BSPH1: variants seen among roughly 807,000 people sequenced by gnomAD.
BSPH1 encodes binder of sperm 1.
In BSPH1, 21 loss-of-function variants were observed where a neutral mutation model predicts 22.5. That is an observed-to-expected ratio of 0.93 (90% confidence interval 0.66 to 1.35). The LOEUF (loss-of-function observed/expected upper bound fraction) is 1.35, where lower values mean the gene tolerates loss of function less well. BSPH1 is among the 40% of genes most tolerant of loss of function. The pLI is 0.00. For synonymous variants in BSPH1, 42 were observed against 53.6 expected (o/e 0.78, Z 0.95); for missense variants, 141 against 154.2 (o/e 0.91, Z 0.45).
intron 5 of BSPH1, among the ~76,000 whole-genome samples, chr19:47,968,772 G>A (rs1011432748): frequency 2.0e-5 from 3 of 151,606 alleles, no homozygotes; most frequent in African/African-American, 7.3e-5. Flanking sequence ...GCTGAGGTGG[G>A]CGGATTGTCT....
chr19:47,977,811 C>A, intron 3 of BSPH1: 1 of 317,640 alleles, frequency 3.1e-6, no homozygotes, highest in Non-Finnish European at 4.5e-6. Flanking sequence ...TTTATCTACC[C>A]AACAATTCTT....
intron 1 of BSPH1, among the ~76,000 whole-genome samples, chr19:47,991,626 C>A (rs111067347): frequency 0.15 from 9,555 of 64,744 alleles, 498 homozygotes; most frequent in Non-Finnish European, 0.17. Flanking sequence ...CCTCCTCTTC[C>A]CTCCTCCTCC....
At position 47,977,532 on chromosome 19, in the gene BSPH1, T is replaced by G. The variant is rs908005939; in HGVS notation, c.125-28A>C. ...AGAGAAAACAAAATTCTTCCTCTGT[T>G]TCTGGGTGTGTTAGGAGAGAGGTTA... On this transcript the variant is annotated intron_variant, in intron 3 of 5. Transcript: ENST00000344839. The G allele has an allele frequency of 3.9e-6, 6 of 1,550,274 alleles. No homozygotes were observed. In the African/African-American group the frequency reaches 8.2e-5, roughly 21 times the overall value.
chr19:47,979,316 C>G (rs201131736), intron 3 of BSPH1, among the ~76,000 whole-genome samples: 1 of 143,674 alleles, frequency 7.0e-6, no homozygotes, highest in African/African-American at 2.6e-5. Context: ...GGATGTTTTT[C>G]TATATAAATT....
At chr19:47,967,599 CTCTG>C (rs1969270887), downstream of BSPH1, among the ~76,000 whole-genome samples, 2 of 152,310 alleles carry the variant, frequency 1.3e-5, no homozygotes, top group South Asian at 2.1e-4. Context: ...CCTGGCATCT[CTCTG>C]TCTGTCCAAA....
chr19:47,982,189 C>T (rs1439008803), intron 1 of BSPH1, among the ~76,000 whole-genome samples: 2 of 152,138 alleles, frequency 1.3e-5, no homozygotes, highest in Non-Finnish European at 1.5e-5. Flanking sequence ...AGAACATCCA[C>T]GTATTATAAT....
At chr19:47,969,177 T>C (rs1969286369) in intron 5 of BSPH1, among the ~76,000 whole-genome samples, 1 of 151,838 alleles carries the variant, frequency 6.6e-6, no homozygotes, top group South Asian at 2.1e-4. Context: ...TTGAAGACAG[T>C]CTTGGTAAAA....
intron 5 of BSPH1, 113 bp downstream of exon 5, chr19:47,976,584 AAAAAAAAAAAAAC>A: frequency 1.8e-6 from 1 of 545,934 alleles, no homozygotes; most frequent in Middle Eastern, 3.0e-4. Flanking sequence ...ACATCCCAGA[AAAAAAAAAAAAAC>A]AAAAAAAAAC....
chr19:47,969,545 C>G (rs763957516), intron 5 of BSPH1, among the ~76,000 whole-genome samples: 36 of 151,844 alleles, frequency 2.4e-4, no homozygotes, highest in Non-Finnish European at 3.1e-4. Flanking sequence ...ACCTGTAATT[C>G]AAATGGAGAA....
At chr19:47,977,715 C>G in intron 3 of BSPH1, 4 of 983,222 alleles carry the variant, frequency 4.1e-6, no homozygotes, top group Non-Finnish European at 4.8e-6. Context: ...ACTTCTTTTC[C>G]AGGTTATAAA....
intron 5 of BSPH1, among the ~76,000 whole-genome samples, chr19:47,972,590 G>A (rs1038996738): frequency 2.6e-5 from 4 of 151,964 alleles, no homozygotes; most frequent in African/African-American, 7.3e-5. Flanking sequence ...ATATAGTTAC[G>A]TGAACCAAAT....
intron 3 of BSPH1, among the ~76,000 whole-genome samples, chr19:47,978,037 G>T (rs6509353): frequency 0.7 from 93,509 of 134,234 alleles, 32,060 homozygotes; most frequent in African/African-American, 0.77. Flanking sequence ...TATAGTTATA[G>T]GTGCATACAC....
At chr19:47,982,987 G>A (rs1051588921) in intron 1 of BSPH1, among the ~76,000 whole-genome samples, 4 of 152,190 alleles carry the variant, frequency 2.6e-5, no homozygotes, top group African/African-American at 9.7e-5. Flanking sequence ...TTTAATGGGT[G>A]CAGAGTTTCA....
chr19:47,987,414 C>G (rs1456151461), intron 1 of BSPH1, among the ~76,000 whole-genome samples: 1 of 142,464 alleles, frequency 7.0e-6, no homozygotes, highest in African/African-American at 2.7e-5. Flanking sequence ...GAGACAGAAT[C>G]TCACTCTGTC....
chr19:47,968,863 G>C (rs2122234806), intron 5 of BSPH1, among the ~76,000 whole-genome samples: 1 of 151,734 alleles, frequency 6.6e-6, no homozygotes, highest in East Asian at 1.9e-4. Context: ...GTTGGGCATG[G>C]TGGCGTGCAC....
intron 5 of BSPH1, among the ~76,000 whole-genome samples, chr19:47,968,877 T>C (rs1305396374): frequency 1.3e-5 from 2 of 151,226 alleles, no homozygotes; most frequent in Non-Finnish European, 2.9e-5. Context: ...CGTGCACCTG[T>C]AGTCCCAGCT....
At chr19:47,975,570 C>T (rs1214741391) in intron 5 of BSPH1, among the ~76,000 whole-genome samples, 1 of 152,118 alleles carries the variant, frequency 6.6e-6, no homozygotes, top group African/African-American at 2.4e-5. Context: ...TTTATCTCCA[C>T]ACCTGTATTC....
chr19:47,987,498 G>A (rs1332313700), intron 1 of BSPH1, among the ~76,000 whole-genome samples: 3 of 149,960 alleles, frequency 2.0e-5, no homozygotes, highest in Non-Finnish European at 4.4e-5. Context: ...TGATTCTCTT[G>A]CCTCAGCCTC....
Position 47,992,164 on chromosome 19 carries a change from G to A in BSPH1, c.-83C>T, listed in dbSNP as rs972237525. 19 of 1,124,808 alleles carry A rather than the reference G, an allele frequency of 1.7e-5. No individual in the cohort carries two copies. The highest frequency in any genetic ancestry group is 4.5e-5 in the Admixed American group (2 of 44,152). The allele number at this position is 1,124,808 out of a possible 1,614,324, so 69.7% of individuals were successfully genotyped here. A position where few individuals can be genotyped will look rare whatever the true frequency, so the allele number is the denominator to read the frequency against. On this transcript the variant is annotated 5_prime_UTR_variant, in exon 1 of 6. Transcript: ENST00000344839. ...CAAGAATCCCCTGGAGAGGCCCAGGGAGGCTTCTTGGAAAAGCAGGTTTGC... is the reference window on the plus strand; with the variant it reads ...CAAGAATCCCCTGGAGAGGCCCAGGAAGGCTTCTTGGAAAAGCAGGTTTGC...
Sources: gnomAD v4.1 joint callset for allele counts (sites outside exome capture counted in the v4.1 genomes callset) on GRCh38, gnomAD v4.1.1 for gene constraint, MANE v1.5 for transcripts, NCBI Gene and HGNC (gene_info 2026-07-23, HGNC 2026-07-21) for gene names.